The following ANGPTL6 variants were observed in gnomAD, a reference collection of about 807,000 sequenced individuals.
ANGPTL6 encodes angiopoietin-related protein 6.
A neutral mutation model predicts 47.4 loss-of-function variants in ANGPTL6; 45 were observed. That is an observed-to-expected ratio of 0.95 (90% CI 0.75 to 1.22). ANGPTL6 has a LOEUF of 1.22. Ranked by LOEUF, ANGPTL6 falls within the 50% of genes most tolerant of loss-of-function variation. The pLI, the probability that ANGPTL6 is intolerant of heterozygous loss-of-function variation, is 0.00. For missense variants in ANGPTL6, 698 were observed against 669.4 expected (o/e 1.04, Z -0.47); for synonymous variants, 290 against 295.9 (o/e 0.98, Z 0.20).
In ANGPTL6 at chr19:10,093,348, C is replaced by T. The variant is rs759480060; in HGVS notation, c.1222+1G>A. 6.2e-6 allele frequency: 10 copies of T among 1,610,354 alleles called. No individual in the cohort carries two copies. In the Admixed American group the frequency reaches 8.4e-5, roughly 13 times the overall value. The stretch of plus-strand genomic sequence containing the variant: ...CTCACCAGAATAGGAGTTCTCCTTA[C>T]CAGAATAGGAGTCTCGGTCCCTATC... On this transcript the variant is annotated splice_donor_variant, in intron 5 of 5. Coordinates refer to ENST00000253109, the MANE Select transcript of ANGPTL6 (RefSeq NM_031917.3). LOFTEE classifies it high-confidence loss of function.
chr19:10,106,049 C>T (rs2088811446), upstream of ANGPTL6, among the ~76,000 whole-genome samples: 2 of 152,364 alleles, frequency 1.3e-5, no homozygotes, highest in Admixed American at 6.5e-5. Flanking sequence ...AATTCGTGGG[C>T]CCGGGGGACA....
At chr19:10,096,816 G>T (rs746176007) in intron 1 of ANGPTL6, among the ~76,000 whole-genome samples, 22 of 152,162 alleles carry the variant, frequency 1.4e-4, no homozygotes, top group Non-Finnish European at 2.5e-4. Flanking sequence ...AAGCGAGGCC[G>T]GGCGCCGTAG....
chr19:10,103,620 T>TAAA (rs1568477069), upstream of ANGPTL6, among the ~76,000 whole-genome samples: 1 of 25,710 alleles, frequency 3.9e-5, no homozygotes, highest in Admixed American at 2.6e-4. Context: ...AATAAATAAA[T>TAAA]AAATAATAAA....
chr19:10,102,781 G>A, upstream of ANGPTL6: 1 of 984,038 alleles, frequency 1.0e-6, no homozygotes, highest in Non-Finnish European at 1.2e-6. Flanking sequence ...TAAATATTTA[G>A]CATTTCCCGA....
upstream of ANGPTL6, chr19:10,102,892 T>A (rs182440152): frequency 2.7e-4 from 155 of 584,560 alleles, 1 homozygote; most frequent in Middle Eastern, 4.3e-3. Context: ...CCCCACACCC[T>A]CCACTGCAGA....
rs766995701 is a variant in ANGPTL6 at position 10,093,651 on chromosome 19, C to T, written c.952-32G>A. 1.4e-5 allele frequency: 23 copies of T among 1,613,084 alleles called. No individual in the cohort carries two copies. The East Asian group carries it at 5.1e-4, about 36-fold the overall frequency. On this transcript the variant is annotated intron_variant, in intron 4 of 5. Coordinates refer to ENST00000253109, the MANE Select transcript of ANGPTL6 (RefSeq NM_031917.3). Reference sequence around the variant, plus strand: ...GGGCAGGAAAGTCAGGAAGCCAGAACAGGCTCCCTCCCCTTCCCTGCCTCT... The same window carrying T: ...GGGCAGGAAAGTCAGGAAGCCAGAATAGGCTCCCTCCCCTTCCCTGCCTCT...
At chr19:10,101,564 T>C (rs1370277994) in intron 1 of ANGPTL6, among the ~76,000 whole-genome samples, 2 of 148,628 alleles carry the variant, frequency 1.3e-5, no homozygotes, top group African/African-American at 5.0e-5. Flanking sequence ...TCCCAGCACT[T>C]TGGGAGGCCG....
At chr19:10,095,811 G>T (rs976119396) in intron 2 of ANGPTL6, among the ~76,000 whole-genome samples, 171 bp downstream of exon 2, 3 of 152,320 alleles carry the variant, frequency 2.0e-5, no homozygotes, top group African/African-American at 7.2e-5. Context: ...TTAAGTGAAG[G>T]CTATAAATAG....
At chr19:10,104,224 G>A (rs2088758987), upstream of ANGPTL6, among the ~76,000 whole-genome samples, 1 of 151,852 alleles carries the variant, frequency 6.6e-6, no homozygotes, top group South Asian at 2.1e-4. Flanking sequence ...AGAGACCTTG[G>A]ATTTGATAAT....
At chr19:10,101,838 G>GGCT (rs1186738878) in intron 1 of ANGPTL6, among the ~76,000 whole-genome samples, 4 of 147,000 alleles carry the variant, frequency 2.7e-5, no homozygotes, top group African/African-American at 7.5e-5. Flanking sequence ...CAGGTGCGGT[G>GGCT]GCTCACGCCT....
At position 10,102,566 on chromosome 19, in the gene ANGPTL6, A is replaced by AG; in HGVS notation, c.-11+1_-11+2insC. 1 of 983,962 alleles carries AG rather than the reference A, an allele frequency of 1.0e-6. No homozygotes were observed. 61.0% of individuals were successfully genotyped at this position (983,962 alleles called of 1,614,324 possible). ...CCTCCACCTACCTTCCCACCCTCTC[A>AG]CCTCTGATGCCCAAGACCCTGAATC... On this transcript the variant is annotated splice_donor_variant, in intron 1 of 5. Transcript: ENST00000253109. LOFTEE classifies it low-confidence loss of function (5UTR_SPLICE).
At chr19:10,099,204 G>A (rs1421121472) in intron 1 of ANGPTL6, among the ~76,000 whole-genome samples, 2 of 152,034 alleles carry the variant, frequency 1.3e-5, no homozygotes, top group African/African-American at 2.4e-5. Flanking sequence ...GTCAGTTCAC[G>A]TCCCTCCCTC....
At position 10,096,379 on chromosome 19, in the gene ANGPTL6, A is replaced by G; in HGVS notation, c.185T>C (p.Leu62Pro). 7.7e-6 allele frequency: 10 copies of G among 1,297,698 alleles called. No individual in the cohort carries two copies. The highest frequency in any genetic ancestry group is 9.7e-6 in the Non-Finnish European group (10 of 1,027,420). 80.4% of individuals were successfully genotyped at this position (1,297,698 alleles called of 1,614,324 possible). A position where few individuals can be genotyped will look rare whatever the true frequency, so the allele number is the denominator to read the frequency against. Reference sequence around the variant, plus strand: ...GCCGACGCGCATGCGCAGCGCCGCCAGCTCGCTGGCGTTGGCGGCCTCGGG... The same window carrying G: ...GCCGACGCGCATGCGCAGCGCCGCCGGCTCGCTGGCGTTGGCGGCCTCGGG... ...ATPEAANASE[L>P]AALRMRVGRH... The change falls in exon 2 of 6, where the codon CTG becomes CCG. Residue 62 changes from leucine to proline, a missense_variant. Transcript: ENST00000253109.
At chr19:10,103,625 AATAAATAAAT>A (rs1267151345), upstream of ANGPTL6, among the ~76,000 whole-genome samples, 32 of 2,838 alleles carry the variant, frequency 0.011, no homozygotes, top group African/African-American at 0.028. Context: ...ATAAATAAAT[AATAAATAAAT>A]AATAATAAAG....
At chr19:10,104,384 A>G (rs2088767088), upstream of ANGPTL6, among the ~76,000 whole-genome samples, 2 of 151,140 alleles carry the variant, frequency 1.3e-5, no homozygotes, top group African/African-American at 2.4e-5. Flanking sequence ...AGTAAGTTCC[A>G]TGTAGTGTTG....
intron 1 of ANGPTL6, among the ~76,000 whole-genome samples, chr19:10,099,576 CAAAAAAAAA>C (rs34627650): frequency 7.5e-5 from 4 of 53,282 alleles, no homozygotes; most frequent in Admixed American, 2.4e-4. Context: ...GACTCCATCT[CAAAAAAAAA>C]AAAAAAAAAA....
At chr19:10,093,923 C>T (rs751785815) in intron 3 of ANGPTL6, 43 bp from the exon 4 acceptor site, 30 of 1,584,342 alleles carry the variant, frequency 1.9e-5, no homozygotes, top group Non-Finnish European at 2.5e-5. Context: ...CTGGGCTGAC[C>T]AATCCCTTAC....
intron 1 of ANGPTL6, among the ~76,000 whole-genome samples, chr19:10,096,848 C>T (rs998113243): frequency 4.0e-5 from 6 of 151,600 alleles, no homozygotes; most frequent in Admixed American, 3.9e-4. Flanking sequence ...AAGCTCAGCA[C>T]TTTGGGAGGC....
intron 2 of ANGPTL6, among the ~76,000 whole-genome samples, chr19:10,095,637 A>C (rs1324024243): frequency 6.6e-6 from 1 of 152,222 alleles, no homozygotes; most frequent in African/African-American, 2.4e-5. Context: ...GACACGTTCC[A>C]GAATTCAGAA....
Sources: gnomAD v4.1 joint callset for allele counts (sites outside exome capture counted in the v4.1 genomes callset) on GRCh38, gnomAD v4.1.1 for gene constraint, MANE v1.5 for transcripts, NCBI Gene and HGNC (gene_info 2026-07-23, HGNC 2026-07-21) for gene names.